Variants in CDH10 observed in about 807,000 individuals in gnomAD.
The protein encoded by CDH10 is cadherin-10.
In CDH10, 30 loss-of-function variants were observed where a neutral mutation model predicts 73.1. The observed-to-expected ratio is 0.41, with a 90% CI of 0.31 to 0.56. The LOEUF (loss-of-function observed/expected upper bound fraction) is 0.56, where lower values mean the gene tolerates loss of function less well. Among genes scored for constraint, CDH10 ranks in the 20% least tolerant of loss-of-function variants. The pLI is 0.27. For missense variants in CDH10, 815 were observed against 973.7 expected (o/e 0.84, Z 2.17); for synonymous variants, 345 against 348.2 (o/e 0.99, Z 0.10).
chr5:24,491,915 CAT>C, intron 10 of CDH10, 88 bp from the exon 11 acceptor site: 1 of 731,062 alleles, frequency 1.4e-6, no homozygotes, highest in East Asian at 2.8e-5. Context: ...TAAATAAAAA[CAT>C]ATTTATGTAA....
intron 2 of CDH10, among the ~76,000 whole-genome samples, chr5:24,581,183 C>T (rs2112055025): frequency 6.6e-6 from 1 of 152,270 alleles, no homozygotes; most frequent in African/African-American, 2.4e-5. Flanking sequence ...ACCTCTTCTC[C>T]TACCACTTTC....
intron 1 of CDH10, among the ~76,000 whole-genome samples, chr5:24,594,049 C>G (rs1181907185): frequency 6.6e-6 from 1 of 151,862 alleles, no homozygotes; most frequent in African/African-American, 2.4e-5. Flanking sequence ...TGTTTTTAAA[C>G]AGCAGCATCA....
chr5:24,605,864 C>T (rs982085607), intron 1 of CDH10, among the ~76,000 whole-genome samples: 1 of 152,158 alleles, frequency 6.6e-6, no homozygotes, highest in Non-Finnish European at 1.5e-5. Flanking sequence ...CATACAATGA[C>T]ATACTACTTA....
intron 1 of CDH10, among the ~76,000 whole-genome samples, chr5:24,630,276 A>G (rs1327827715): frequency 1.3e-5 from 2 of 152,082 alleles, no homozygotes; most frequent in Admixed American, 6.6e-5. Flanking sequence ...GGCCACACAC[A>G]GGGGCTCACT....
intron 2 of CDH10, among the ~76,000 whole-genome samples, chr5:24,582,992 T>G (rs1164374618): frequency 6.6e-6 from 1 of 152,140 alleles, no homozygotes; most frequent in Non-Finnish European, 1.5e-5. Context: ...GGTTTCTACT[T>G]GTAGTCATAT....
intron 1 of CDH10, among the ~76,000 whole-genome samples, chr5:24,636,199 C>A (rs569303911): frequency 6.6e-6 from 1 of 151,778 alleles, no homozygotes; most frequent in African/African-American, 2.4e-5. Context: ...TGACAATTGT[C>A]CTATGATGTA....
At chr5:24,531,650 C>A (rs1743757362) in intron 5 of CDH10, among the ~76,000 whole-genome samples, 1 of 152,000 alleles carries the variant, frequency 6.6e-6, no homozygotes, top group Non-Finnish European at 1.5e-5. Flanking sequence ...TATTCACTAT[C>A]ACAAGAATAG....
At chr5:24,612,107 T>C (rs1746968373) in intron 1 of CDH10, 1 of 152,176 alleles carries the variant, frequency 6.6e-6, no homozygotes, top group Non-Finnish European at 1.5e-5. Context: ...CTAAATTTTG[T>C]GATAGTACGT....
At chr5:24,554,515 T>C (rs62349583) in intron 2 of CDH10, among the ~76,000 whole-genome samples, 98,847 of 145,388 alleles carry the variant, frequency 0.68, 32,713 homozygotes, top group East Asian at 0.79. Flanking sequence ...TGTGTGTGTG[T>C]GTGTGCACGT....
chr5:24,491,478 T>G (rs1194321440), intron 11 of CDH10, 98 bp downstream of exon 11: 2 of 936,866 alleles, frequency 2.1e-6, no homozygotes, highest in Non-Finnish European at 3.2e-6. Context: ...ATCTTAAAAT[T>G]TGGGGTGGTT....
chr5:24,579,278 A>C (rs756765222), intron 2 of CDH10, among the ~76,000 whole-genome samples: 11 of 151,822 alleles, frequency 7.2e-5, no homozygotes, highest in Non-Finnish European at 1.5e-4. Flanking sequence ...AATTCTCCCT[A>C]TCATATTTCT....
At chr5:24,489,076 A>T (rs1354714522) in intron 11 of CDH10, among the ~76,000 whole-genome samples, 1 of 152,018 alleles carries the variant, frequency 6.6e-6, no homozygotes, top group Non-Finnish European at 1.5e-5. Context: ...TTGATCCTCA[A>T]CCTTTAAAAG....
chr5:24,492,939 A>C lies in CDH10; in HGVS notation c.1516-14T>G, dbSNP rs746994760. The C allele has an allele frequency of 3.1e-6, 3 of 965,882 alleles. No individual in the cohort carries two copies. Among genetic ancestry groups the C allele is most frequent in the Non-Finnish European group, 5.1e-6 (3 of 589,834 alleles). 59.8% of individuals were successfully genotyped at this position (965,882 alleles called of 1,614,324 possible). A position where few individuals can be genotyped will look rare whatever the true frequency, so the allele number is the denominator to read the frequency against. ...AGTCTGTATTAGCTGCAGAAAAAGAAAAATATATCTCATCAATATATCTCT... is the reference window on the plus strand; with the variant it reads ...AGTCTGTATTAGCTGCAGAAAAAGACAAATATATCTCATCAATATATCTCT... On this transcript the variant is annotated splice_polypyrimidine_tract_variant and intron_variant, in intron 9 of 11. Transcript: ENST00000264463.
chr5:24,500,091 T>C (rs952553772), intron 8 of CDH10, among the ~76,000 whole-genome samples: 11 of 152,224 alleles, frequency 7.2e-5, no homozygotes. Context: ...TTTTGCCTTG[T>C]AAAATTTATC....
At chr5:24,512,386 G>A (rs17457952) in intron 5 of CDH10, among the ~76,000 whole-genome samples, 2,234 of 152,222 alleles carry the variant, frequency 0.015, 33 homozygotes, top group Middle Eastern at 0.024. Context: ...ACAAACCACA[G>A]GATATACACT....
intron 2 of CDH10, among the ~76,000 whole-genome samples, chr5:24,558,827 T>C (rs1744857408): frequency 6.6e-6 from 1 of 151,872 alleles, no homozygotes; most frequent in Non-Finnish European, 1.5e-5. Context: ...CATAAAGTCT[T>C]AGTTTTTGCT....
At chr5:24,509,159 T>C (rs376137332) in intron 7 of CDH10, among the ~76,000 whole-genome samples, 1 of 148,552 alleles carries the variant, frequency 6.7e-6, no homozygotes, top group Middle Eastern at 3.3e-3. Context: ...ATGTTTTAAA[T>C]AGAATTTCTT....
At position 24,629,905 on chromosome 5, in the gene CDH10, T is replaced by A. The variant is rs115088896; in HGVS notation, c.-124+14689A>T. On this transcript the variant is annotated intron_variant, in intron 1 of 11. Transcript: ENST00000264463. ...TGGACTAATATAGAATATTTTCCAG[T>A]GGAAAGAAAAACACCTTTTGTGTCT... Among the ~76,000 whole-genome samples the A allele has an allele frequency of 4.1e-3, 621 of 152,244 alleles. 6 individuals are homozygous for A. Among genetic ancestry groups the A allele is most frequent in the African/African-American group, 0.014 (599 of 41,554 alleles).
chr5:24,489,374 T>C (rs1348010264), intron 11 of CDH10, among the ~76,000 whole-genome samples: 1 of 152,166 alleles, frequency 6.6e-6, no homozygotes, highest in East Asian at 1.9e-4. Context: ...GTTTTAGCTA[T>C]TGATAAGTGT....
Sources: allele counts gnomAD v4.1 joint callset (sites outside exome capture counted in the v4.1 genomes callset), GRCh38; gene constraint gnomAD v4.1.1; transcripts MANE v1.5; gene names NCBI Gene and HGNC (gene_info 2026-07-23, HGNC 2026-07-21).